The following OPCML variants were observed in gnomAD, a reference collection of about 807,000 sequenced individuals.
OPCML encodes opioid binding protein/cell adhesion molecule like.
In OPCML, 13 loss-of-function variants were observed where a neutral mutation model predicts 37.8. The observed-to-expected ratio is 0.34, with a 90% CI of 0.22 to 0.55. The LOEUF (loss-of-function observed/expected upper bound fraction) is 0.55. OPCML is among the 20% of genes least tolerant of loss of function. OPCML has a pLI of 0.91. For synonymous variants in OPCML, 176 were observed against 168.8 expected, an observed-to-expected ratio of 1.04 and a Z score of -0.33; for missense variants, 341 against 435.6, an observed-to-expected ratio of 0.78 and a Z score of 1.93.
chr11:132,479,693 G>T (rs2096171648), intron 4 of OPCML, among the ~76,000 whole-genome samples: 1 of 152,190 alleles, frequency 6.6e-6, no homozygotes, highest in African/African-American at 2.4e-5. Flanking sequence ...CAGGCAGACT[G>T]CCTCCTCAAG....
At position 133,082,376 on chromosome 11, in the gene OPCML, ACCCTCCCCTCTTC is replaced by A. The variant is rs1293265320; in HGVS notation, c.62-139379_62-139367del. The stretch of plus-strand genomic sequence containing the variant: ...GGACCCGCTGCGCCGTCCCCTCCCC[ACCCTCCCCTCTTC>A]CCCTCCCCCGCACCCCTCCTCTCCT... On this transcript the variant is annotated intron_variant, in intron 1 of 7. Transcript: ENST00000524381. 7.3e-5 allele frequency among the ~76,000 whole-genome samples: 3 copies of A among 40,922 alleles called. No homozygotes were observed. In the South Asian group the frequency reaches 3.3e-3, roughly 45 times the overall value. 26.8% of individuals were successfully genotyped at this position (40,922 alleles called of 152,430 possible).
chr11:133,226,848 G>A (rs1264882437), intron 1 of OPCML, among the ~76,000 whole-genome samples: 1 of 152,094 alleles, frequency 6.6e-6, no homozygotes, highest in Non-Finnish European at 1.5e-5. Context: ...TTTAACAACA[G>A]CAAGGACCAC....
At chr11:133,014,086 C>A (rs550068200) in intron 1 of OPCML, among the ~76,000 whole-genome samples, 2 of 152,322 alleles carry the variant, frequency 1.3e-5, no homozygotes, top group South Asian at 4.1e-4. Context: ...CCCAAGGACT[C>A]CACATGAACA....
intron 2 of OPCML, among the ~76,000 whole-genome samples, chr11:132,816,689 T>C (rs1026765181): frequency 6.6e-6 from 1 of 152,082 alleles, no homozygotes; most frequent in African/African-American, 2.4e-5. Context: ...CTGAGAGAGT[T>C]TTTGGTCCGT....
intron 1 of OPCML, among the ~76,000 whole-genome samples, chr11:133,022,322 C>T (rs926729008): frequency 3.3e-5 from 5 of 152,128 alleles, no homozygotes; most frequent in Non-Finnish European, 7.3e-5. Context: ...CCACTCATGC[C>T]TTTCTTCTGT....
intron 2 of OPCML, among the ~76,000 whole-genome samples, chr11:132,853,349 A>G (rs796176441): frequency 9.8e-5 from 15 of 152,316 alleles, no homozygotes; most frequent in African/African-American, 3.1e-4. Flanking sequence ...CAATATTTGG[A>G]GGATCTGCAT....
chr11:132,713,839 A>G (rs1944363763), intron 2 of OPCML, among the ~76,000 whole-genome samples: 1 of 152,186 alleles, frequency 6.6e-6, no homozygotes, highest in Non-Finnish European at 1.5e-5. Flanking sequence ...AACATTCATG[A>G]CGGTTGACAT....
intron 1 of OPCML, among the ~76,000 whole-genome samples, chr11:132,953,586 A>G (rs1945910719): frequency 1.3e-5 from 2 of 152,140 alleles, no homozygotes; most frequent in Non-Finnish European, 2.9e-5. Context: ...CAAGCCATAA[A>G]ATGTGTTTTT....
chr11:133,480,118 C>T (rs1947341490), intron 1 of OPCML, among the ~76,000 whole-genome samples: 1 of 152,202 alleles, frequency 6.6e-6, no homozygotes. Flanking sequence ...GAGCAGGCAT[C>T]CCAGCACATC....
At chr11:133,347,118 G>A (rs1944020592) in intron 1 of OPCML, among the ~76,000 whole-genome samples, 2 of 152,224 alleles carry the variant, frequency 1.3e-5, no homozygotes, top group South Asian at 4.1e-4. Flanking sequence ...TGGTGCCAAA[G>A]AATGTATTGC....
chr11:133,417,980 C>A (rs1945804508), intron 1 of OPCML: 1 of 732,896 alleles, frequency 1.4e-6, no homozygotes, highest in African/African-American at 1.9e-5. Flanking sequence ...TTTACACAAG[C>A]TTTGTTCCTT....
intron 1 of OPCML, among the ~76,000 whole-genome samples, chr11:133,339,217 G>A (rs906299700): frequency 2.0e-5 from 3 of 152,140 alleles, no homozygotes; most frequent in Admixed American, 1.3e-4. Flanking sequence ...ATATATGCTA[G>A]GCATTTCATT....
intron 1 of OPCML, among the ~76,000 whole-genome samples, chr11:133,188,291 T>A (rs1463306097): frequency 6.6e-6 from 1 of 152,184 alleles, no homozygotes; most frequent in African/African-American, 2.4e-5. Flanking sequence ...ACTGTATCTT[T>A]GGGAAAGCTT....
chr11:132,503,241 T>C (rs562317157), intron 4 of OPCML, among the ~76,000 whole-genome samples: 1 of 152,306 alleles, frequency 6.6e-6, no homozygotes, highest in East Asian at 1.9e-4. Context: ...CTACACTTTT[T>C]TCCTGAGGTG....
chr11:132,753,265 C>A lies in OPCML; in HGVS notation c.147-95946G>T, dbSNP rs1046011595. 5.9e-5 allele frequency among the ~76,000 whole-genome samples: 9 copies of A among 152,268 alleles called. No individual in the cohort carries two copies. The East Asian group carries it at 1.5e-3, about 26-fold the overall frequency. On this transcript the variant is annotated intron_variant, in intron 2 of 7. Transcript: ENST00000524381. ...TGTACTTCCATTTCAGAGCACTTATCCCAGTAAGCAATTAAATAATAATTT... is the reference window on the plus strand; with the variant it reads ...TGTACTTCCATTTCAGAGCACTTATACCAGTAAGCAATTAAATAATAATTT...
intron 3 of OPCML, among the ~76,000 whole-genome samples, chr11:132,539,965 A>G (rs2096352003): frequency 6.6e-6 from 1 of 152,010 alleles, no homozygotes; most frequent in Non-Finnish European, 1.5e-5. Flanking sequence ...GATGATGATG[A>G]TGATAATGAT....
chr11:133,223,235 A>G (rs1355871661), intron 1 of OPCML, among the ~76,000 whole-genome samples: 1 of 152,196 alleles, frequency 6.6e-6, no homozygotes, highest in Non-Finnish European at 1.5e-5. Context: ...CAGATTTGGA[A>G]ATGGCTTCTA....
chr11:132,965,393 A>T (rs79568354), intron 1 of OPCML, among the ~76,000 whole-genome samples: 1 of 151,512 alleles, frequency 6.6e-6, no homozygotes, highest in African/African-American at 2.4e-5. Flanking sequence ...TACTAATTAA[A>T]CCTCTTGCCT....
intron 1 of OPCML, among the ~76,000 whole-genome samples, chr11:133,149,584 G>A (rs567873445): frequency 3.9e-5 from 6 of 152,236 alleles, no homozygotes; most frequent in East Asian, 3.9e-4. Context: ...ACCCCCACCC[G>A]CACGCTTGAT....
Sources: gnomAD v4.1 joint callset for allele counts (sites outside exome capture counted in the v4.1 genomes callset) on GRCh38, gnomAD v4.1.1 for gene constraint, MANE v1.5 for transcripts, NCBI Gene and HGNC (gene_info 2026-07-23, HGNC 2026-07-21) for gene names.